SLC26A5: variants seen among roughly 807,000 people sequenced by gnomAD.
SLC26A5 encodes solute carrier family 26 member 5.
Under a neutral mutation model 81.0 loss-of-function variants are expected in SLC26A5, and 51 were observed. That is an observed-to-expected ratio of 0.63 (90% confidence interval 0.50 to 0.80). SLC26A5 has a LOEUF of 0.80. SLC26A5 is among the 30% of genes least tolerant of loss of function. The probability of loss-of-function intolerance (pLI) is 0.00; values close to 1 mark genes in which losing one functional copy is unlikely to be tolerated. For synonymous variants in SLC26A5, 325 were observed against 332.8 expected, an observed-to-expected ratio of 0.98 and a Z score of 0.25; for missense variants, 771 against 905.8, an observed-to-expected ratio of 0.85 and a Z score of 1.91.
chr7:103,366,743 T>TA (rs1167073085), intron 19 of SLC26A5, among the ~76,000 whole-genome samples: 1 of 152,224 alleles, frequency 6.6e-6, no homozygotes, highest in Non-Finnish European at 1.5e-5. Context: ...TTAGTGCACA[T>TA]AAAATAATGT....
chr7:103,385,596 C>A (rs1447745843), intron 14 of SLC26A5, among the ~76,000 whole-genome samples: 1 of 151,982 alleles, frequency 6.6e-6, no homozygotes, highest in Non-Finnish European at 1.5e-5. Flanking sequence ...ATACAAAGAC[C>A]CAGCAAAATC....
intron 19 of SLC26A5, chr7:103,353,059 C>T: frequency 1.3e-6 from 1 of 757,612 alleles, no homozygotes; most frequent in South Asian, 1.4e-5. Flanking sequence ...AGCAGCTAAG[C>T]AAATTCAGAA....
chr7:103,437,191 A>G (rs1055323197), intron 2 of SLC26A5, among the ~76,000 whole-genome samples: 2 of 152,256 alleles, frequency 1.3e-5, no homozygotes, highest in Non-Finnish European at 2.9e-5. Context: ...AATGTCCAGC[A>G]TTACCAATAT....
Position 103,413,433 on chromosome 7 carries a change from G to A in SLC26A5, c.293-321C>T, listed in dbSNP as rs74392151. Among the ~76,000 whole-genome samples the A allele has an allele frequency of 8.3e-4, 126 of 152,272 alleles. 1 individual carries two copies. The highest frequency in any genetic ancestry group is 2.9e-3 in the African/African-American group (122 of 41,540). ...ATTTGGTGTTGACTCACAAATGCGA[G>A]CTCGTTCTCCAATGGGGTGTTTTTG... On this transcript the variant is annotated intron_variant, in intron 4 of 19. Coordinates refer to ENST00000306312, the MANE Select transcript of SLC26A5 (RefSeq NM_198999.3).
rs755369730 is a variant in SLC26A5 at position 103,397,944 on chromosome 7, G to A, written c.959C>T (p.Thr320Ile). 6.2e-7 allele frequency: 1 copy of A among 1,613,690 alleles called. No individual in the cohort carries two copies. The highest frequency in any genetic ancestry group is 1.1e-5 in the South Asian group (1 of 91,066). Residue 320 changes from threonine (T) to isoleucine (I), a missense_variant, in exon 9 of 20, where the codon ACA (threonine) becomes ATA (isoleucine). Thr to Ile is a moderately conservative substitution (Grantham distance 89, BLOSUM62 -1). Transcript: ENST00000306312. ...ACCACTTTCCTACCCTAGAGGAAGTGTTCCAACGACATCCACATTGTATGA... is the reference window on the plus strand; with the variant it reads ...ACCACTTTCCTACCCTAGAGGAAGTATTCCAACGACATCCACATTGTATGA... Reference protein sequence around the residue: ...KESYNVDVVGTLPLGLLPPAN... With the variant: ...KESYNVDVVGILPLGLLPPAN...
chr7:103,402,705 T>G (rs1306076934), intron 8 of SLC26A5, among the ~76,000 whole-genome samples: 1 of 152,156 alleles, frequency 6.6e-6, no homozygotes, highest in Non-Finnish European at 1.5e-5. Flanking sequence ...AGCCAGTAGT[T>G]TGTATTTCTG....
rs1451333947 is a variant in SLC26A5, at chr7:103,376,812, G to T, written c.2037C>A (p.Cys679Ter). 2 of 1,600,084 alleles carry T rather than the reference G, an allele frequency of 1.2e-6. No homozygotes were observed. The highest frequency in any genetic ancestry group is 1.3e-5 in the African/African-American group (1 of 74,712). The change falls in exon 19 of 20, where the codon TGC becomes TGA. Residue 679 changes from cysteine (C) to a stop codon, truncating the protein, a stop_gained. Coordinates refer to ENST00000306312, the MANE Select transcript of SLC26A5 (RefSeq NM_198999.3). LOFTEE classifies it high-confidence loss of function. ...CCATCTTAGAGGTATACTCACCACT[G>T]CATCCTGCTAAGTATACATATATAC... is the stretch of plus-strand genomic sequence containing the variant. ...DVGIYVYLAG[C>*]SAQVVNDLTR...
chr7:103,412,229 G>T (rs1241267021), intron 5 of SLC26A5, among the ~76,000 whole-genome samples: 1 of 152,220 alleles, frequency 6.6e-6, no homozygotes, highest in East Asian at 1.9e-4. Flanking sequence ...GAAAGTATGT[G>T]TGTGTTAGGT....
chr7:103,445,560 T>C (rs547247195), intron 1 of SLC26A5: 37 of 152,358 alleles, frequency 2.4e-4, no homozygotes, highest in African/African-American at 8.9e-4. Flanking sequence ...GACCCGGGGT[T>C]TGAGCCTTGC....
intron 2 of SLC26A5, chr7:103,433,403 G>C (rs1407943113): frequency 6.6e-6 from 1 of 152,184 alleles, no homozygotes; most frequent in Non-Finnish European, 1.5e-5. Flanking sequence ...AGATCTGAAT[G>C]AGTCAGCTTC....
intron 4 of SLC26A5, among the ~76,000 whole-genome samples, chr7:103,415,023 C>G (rs1261379101): frequency 6.6e-6 from 1 of 152,218 alleles, no homozygotes; most frequent in Non-Finnish European, 1.5e-5. Flanking sequence ...GATAGATTGA[C>G]TGGCATCCCT....
intron 19 of SLC26A5, chr7:103,362,156 G>A (rs1195465412): frequency 1.0e-5 from 16 of 1,590,824 alleles, no homozygotes; most frequent in Non-Finnish European, 1.1e-5. Flanking sequence ...CATATCCTTG[G>A]CTTTGTAGTG....
intron 2 of SLC26A5, among the ~76,000 whole-genome samples, chr7:103,426,645 T>A (rs1825728846): frequency 6.6e-6 from 1 of 152,186 alleles, no homozygotes; most frequent in Admixed American, 6.5e-5. Context: ...CAAGGACATT[T>A]CAACTGGGAA....
At chr7:103,421,604 A>G (rs1479295268) in intron 2 of SLC26A5, 37 bp from the exon 3 acceptor site, 13 of 1,388,576 alleles carry the variant, frequency 9.4e-6, no homozygotes, top group Non-Finnish European at 1.3e-5. Flanking sequence ...TTACTTGCCA[A>G]AATCCTACTG....
chr7:103,354,057 C>A (rs1819884706), intron 19 of SLC26A5: 75 of 925,394 alleles, frequency 8.1e-5, no homozygotes, highest in South Asian at 3.0e-4. Flanking sequence ...AGTTAAGAAA[C>A]CAAAAATTAA....
At chr7:103,376,231 A>G (rs1821345320) in intron 19 of SLC26A5, among the ~76,000 whole-genome samples, 1 of 151,864 alleles carries the variant, frequency 6.6e-6, no homozygotes, top group Admixed American at 6.6e-5. Context: ...ATGCGCCACC[A>G]TGTCTGGCTA....
intron 2 of SLC26A5, among the ~76,000 whole-genome samples, chr7:103,424,503 A>T (rs967990745): frequency 6.6e-6 from 1 of 152,134 alleles, no homozygotes; most frequent in Non-Finnish European, 1.5e-5. Flanking sequence ...CCTCTCTTTC[A>T]TCTTATAGAT....
At chr7:103,431,329 T>TG (rs1310940823) in intron 2 of SLC26A5, among the ~76,000 whole-genome samples, 2 of 151,838 alleles carry the variant, frequency 1.3e-5, no homozygotes, top group African/African-American at 4.8e-5. Flanking sequence ...CTTTCTTTTT[T>TG]TTTTTCCTTT....
intron 9 of SLC26A5, 133 bp from the exon 10 acceptor site, chr7:103,393,199 C>T (rs987698432): frequency 7.9e-6 from 9 of 1,145,708 alleles, no homozygotes; most frequent in South Asian, 5.8e-5. Context: ...TACTTATTTG[C>T]TCTGGTTGGC....
Sources: allele counts gnomAD v4.1 joint callset (sites outside exome capture counted in the v4.1 genomes callset), GRCh38; gene constraint gnomAD v4.1.1; transcripts MANE v1.5; gene names NCBI Gene and HGNC (gene_info 2026-07-23, HGNC 2026-07-21).